Variants in DOCK11 observed in about 807,000 individuals in gnomAD.
DOCK11 encodes the protein dedicator of cytokinesis protein 11.
DOCK11 carries 70 observed loss-of-function variants against 169.1 expected under a neutral mutation model. The observed-to-expected ratio is 0.41, with a 90% CI of 0.34 to 0.51. The LOEUF is 0.51. DOCK11 is among the 20% of genes least tolerant of loss of function. The pLI, the probability that DOCK11 is intolerant of heterozygous loss-of-function variation, is 0.10. For synonymous variants in DOCK11, 529 were observed against 541.3 expected (o/e 0.98, Z 0.32); for missense variants, 1,166 against 1,538.8 (o/e 0.76, Z 4.05).
intron 30 of DOCK11, chrX:118,616,107 T>A: frequency 2.1e-6 from 1 of 478,518 alleles, no homozygotes; most frequent in Non-Finnish European, 3.0e-6. Context: ...TTCAGTTATC[T>A]CCATTGCTAG....
At chrX:118,514,675 T>G (rs1396735242) in intron 1 of DOCK11, among the ~76,000 whole-genome samples, 1 of 111,912 alleles carries the variant, frequency 8.9e-6, no homozygotes, top group African/African-American at 3.3e-5. Flanking sequence ...ACCATCACAC[T>G]TTTTCAAACA....
chrX:118,654,647 C>T lies in DOCK11; in HGVS notation c.4741C>T (p.Arg1581Cys), dbSNP rs943706690. Reference sequence around the variant, plus strand: ...AGTCAAAGACTTGACCAAGAGAATCCGCACTGTTCTTATGGCCACTGCCCA... The same window carrying T: ...AGTCAAAGACTTGACCAAGAGAATCTGCACTGTTCTTATGGCCACTGCCCA... ...AEVKDLTKRI[R>C]TVLMATAQMK... is the part of the protein sequence containing the mutation. Residue 1581 changes from arginine to cysteine, a missense_variant, in exon 43 of 53, where the codon CGC (arginine) becomes TGC (cysteine). By Grantham distance (180) the Arg-to-Cys change is radical (BLOSUM62 -3). Transcript: ENST00000276202. The T allele has an allele frequency of 5.8e-6, 7 of 1,209,537 alleles. No homozygotes were observed. The highest frequency in any genetic ancestry group is 1.8e-5 in the South Asian group (1 of 56,793).
At chrX:118,555,562 GA>G (rs150006034) in intron 6 of DOCK11, among the ~76,000 whole-genome samples, 155 of 94,912 alleles carry the variant, frequency 1.6e-3, no homozygotes, top group African/African-American at 4.9e-3. Context: ...ATCTTGAAAA[GA>G]AAAAAAAAAA....
At chrX:118,607,374 C>T (rs1260827523) in intron 24 of DOCK11, among the ~76,000 whole-genome samples, 1 of 104,712 alleles carries the variant, frequency 9.6e-6, no homozygotes, top group African/African-American at 3.5e-5. Context: ...CTTGGCCACC[C>T]AAAGTGCTGG....
intron 6 of DOCK11, among the ~76,000 whole-genome samples, chrX:118,549,574 G>T (rs1156996299): frequency 9.0e-6 from 1 of 111,554 alleles, no homozygotes; most frequent in Non-Finnish European, 1.9e-5. Flanking sequence ...ATTTGTTTTT[G>T]AGACAGTCTC....
chrX:118,522,316 T>TA (rs113083719), intron 1 of DOCK11, among the ~76,000 whole-genome samples: 2,039 of 101,920 alleles, frequency 0.02, 55 homozygotes, highest in African/African-American at 0.061. Flanking sequence ...AGACTTTGTC[T>TA]AAAAAAAAAA....
chrX:118,615,443 G>T (rs911358429), intron 29 of DOCK11, among the ~76,000 whole-genome samples, 157 bp from the exon 30 acceptor site: 1 of 112,137 alleles, frequency 8.9e-6, no homozygotes, highest in Non-Finnish European at 1.9e-5. Flanking sequence ...TAGCAGTCTT[G>T]GACCTGCTAT....
intron 7 of DOCK11, 138 bp from the exon 8 acceptor site, chrX:118,565,867 A>G: frequency 1.6e-6 from 1 of 606,779 alleles, no homozygotes; most frequent in Non-Finnish European, 2.7e-6. Flanking sequence ...TCTGTTTCTT[A>G]CTGAAAGAAG....
intron 18 of DOCK11, among the ~76,000 whole-genome samples, chrX:118,589,975 G>A (rs758461218): frequency 1.8e-5 from 2 of 112,341 alleles, no homozygotes; most frequent in Non-Finnish European, 3.8e-5. Context: ...GTTTGAGATC[G>A]TGTTTCTTTG....
chrX:118,578,862 G>A (rs1207289240), intron 13 of DOCK11, among the ~76,000 whole-genome samples: 3 of 111,997 alleles, frequency 2.7e-5, no homozygotes, highest in Non-Finnish European at 3.8e-5. Context: ...CAAAATAAGA[G>A]CCAAAAGCTT....
intron 36 of DOCK11, 145 bp downstream of exon 36, chrX:118,636,557 G>A: frequency 3.5e-6 from 1 of 283,835 alleles, no homozygotes; most frequent in East Asian, 5.7e-5. Flanking sequence ...CTGACATAGA[G>A]GTTCTTTACC....
intron 6 of DOCK11, among the ~76,000 whole-genome samples, chrX:118,561,025 T>C (rs1011760453): frequency 3.2e-4 from 36 of 111,946 alleles, no homozygotes; most frequent in African/African-American, 1.1e-3. Flanking sequence ...ATTCTTGGAT[T>C]CGTGGTAATA....
At chrX:118,595,691 C>T (rs1372199679) in intron 20 of DOCK11, among the ~76,000 whole-genome samples, 2 of 111,981 alleles carry the variant, frequency 1.8e-5, no homozygotes, top group African/African-American at 6.5e-5. Context: ...ATTCCGTGTG[C>T]CACTCATCAC....
At chrX:118,565,473 A>G (rs970426200) in intron 7 of DOCK11, among the ~76,000 whole-genome samples, 1 of 112,005 alleles carries the variant, frequency 8.9e-6, no homozygotes, top group Non-Finnish European at 1.9e-5. Flanking sequence ...GTGCTGCCAA[A>G]CACTGTGGTC....
chrX:118,636,205 G>T, intron 35 of DOCK11, 141 bp from the exon 36 acceptor site: 2 of 319,019 alleles, frequency 6.3e-6, no homozygotes, highest in South Asian at 1.8e-4. Context: ...ATACTGCGCA[G>T]TGGGAGGGGA....
chrX:118,552,052 A>AG (rs1556277310), intron 6 of DOCK11, among the ~76,000 whole-genome samples: 3 of 105,986 alleles, frequency 2.8e-5, no homozygotes, highest in Non-Finnish European at 5.8e-5. Context: ...AAAAAAAAAA[A>AG]GGGAGGGAGG....
At chrX:118,580,874 A>C (rs1182097580) in intron 14 of DOCK11, among the ~76,000 whole-genome samples, 2 of 112,233 alleles carry the variant, frequency 1.8e-5, no homozygotes, top group East Asian at 5.6e-4. Flanking sequence ...CTATCATAGA[A>C]TATTTCTGGA....
chrX:118,624,558 C>T lies in DOCK11; in HGVS notation c.3491C>T (p.Ala1164Val), dbSNP rs755789332. Reference protein sequence around the residue: ...YQHKNQQAKIAQLYLPFVGLL... With the variant: ...YQHKNQQAKIVQLYLPFVGLL... ...TTTCAGAACCAACAAGCCAAAATAG[C>T]ACAATTGTACCTCCCCTTTGTTGGA... is the stretch of plus-strand genomic sequence containing the variant. The change falls in exon 32 of 53, where the codon GCA becomes GTA. Residue 1164 changes from alanine (A) to valine (V), a missense_variant. Physicochemically the swap from Ala to Val is moderately conservative, Grantham distance 64. Coordinates refer to ENST00000276202, the MANE Select transcript of DOCK11 (RefSeq NM_144658.4). 1.8e-5 allele frequency: 22 copies of T among 1,202,498 alleles called. No homozygotes were observed. The highest frequency in any genetic ancestry group is 2.4e-5 in the Non-Finnish European group (21 of 890,264).
At chrX:118,513,243 A>AT (rs532321464) in intron 1 of DOCK11, among the ~76,000 whole-genome samples, 3 of 111,308 alleles carry the variant, frequency 2.7e-5, no homozygotes, top group African/African-American at 9.8e-5. Context: ...CACTGTGTTT[A>AT]TTTTTTTTAA....
Sources: allele counts gnomAD v4.1 joint callset (sites outside exome capture counted in the v4.1 genomes callset), GRCh38; gene constraint gnomAD v4.1.1; transcripts MANE v1.5; gene names NCBI Gene and HGNC (gene_info 2026-07-23, HGNC 2026-07-21).